AHCYL2: variants seen among roughly 807,000 people sequenced by gnomAD.
AHCYL2 encodes S-adenosylhomocysteine hydrolase-like protein 2.
Under a neutral mutation model 81.4 loss-of-function variants are expected in AHCYL2, and 28 were observed. The observed-to-expected ratio is 0.34, with a 90% CI of 0.25 to 0.47. AHCYL2 has a LOEUF of 0.47. Ranked by LOEUF, AHCYL2 falls within the 20% of genes least tolerant of loss-of-function variation. The pLI is 1.00. For synonymous variants in AHCYL2, 272 were observed against 290.2 expected (o/e 0.94, Z 0.64); for missense variants, 551 against 785.1 (o/e 0.70, Z 3.56).
chr7:129,359,136 A>C (rs531783626), intron 1 of AHCYL2, among the ~76,000 whole-genome samples: 15 of 152,242 alleles, frequency 9.9e-5, no homozygotes, highest in Non-Finnish European at 1.5e-4. Context: ...GGATTCAGTA[A>C]ATTGTGGCTG....
chr7:129,422,824 G>A lies in AHCYL2; in HGVS notation c.1462-16G>A. ...GCTTGCTATGGCTAATGCTGTACTT[G>A]CTGTATGTGTTCCAGGCGAGTCTGC... On this transcript the variant is annotated splice_polypyrimidine_tract_variant and intron_variant, in intron 12 of 16. Transcript: ENST00000325006. 6.2e-7 allele frequency: 1 copy of A among 1,611,946 alleles called. No individual in the cohort carries two copies. The highest frequency in any genetic ancestry group is 1.3e-5 in the African/African-American group (1 of 74,982).
chr7:129,416,089 CCTAGT>C (rs1796835129), intron 12 of AHCYL2, among the ~76,000 whole-genome samples: 2 of 151,682 alleles, frequency 1.3e-5, no homozygotes, highest in African/African-American at 4.8e-5. Context: ...TTTTTTTACT[CCTAGT>C]CTAGTTTTCT....
chr7:129,272,738 GT>G (rs930821845), intron 1 of AHCYL2, among the ~76,000 whole-genome samples: 1 of 151,998 alleles, frequency 6.6e-6, no homozygotes, highest in Non-Finnish European at 1.5e-5. Context: ...ATGTTACCTA[GT>G]TTTTTCTAAG....
At chr7:129,362,262 A>G (rs1457470969) in intron 1 of AHCYL2, among the ~76,000 whole-genome samples, 1 of 152,184 alleles carries the variant, frequency 6.6e-6, no homozygotes, top group Non-Finnish European at 1.5e-5. Context: ...AGTCTATTCA[A>G]CTTTAAAAGC....
At chr7:129,341,262 A>T (rs546525145) in intron 1 of AHCYL2, among the ~76,000 whole-genome samples, 1 of 152,234 alleles carries the variant, frequency 6.6e-6, no homozygotes, top group African/African-American at 2.4e-5. Flanking sequence ...TTCTAGGGGT[A>T]GCAAGTGTGG....
intron 1 of AHCYL2, among the ~76,000 whole-genome samples, chr7:129,321,238 T>C (rs1384397741): frequency 6.6e-6 from 1 of 152,252 alleles, no homozygotes; most frequent in East Asian, 1.9e-4. Flanking sequence ...AAGATTCTTG[T>C]TCTCAATGTT....
chr7:129,344,811 A>G (rs1793303658), intron 1 of AHCYL2, among the ~76,000 whole-genome samples: 1 of 152,128 alleles, frequency 6.6e-6, no homozygotes, highest in African/African-American at 2.4e-5. Flanking sequence ...GGGGAGGAAA[A>G]AAAAGAGTTC....
intron 1 of AHCYL2, among the ~76,000 whole-genome samples, chr7:129,231,973 A>G (rs1794459858): frequency 6.6e-6 from 1 of 150,976 alleles, no homozygotes; most frequent in African/African-American, 2.4e-5. Flanking sequence ...GTAGAAATCT[A>G]TTGGTTTGGG....
At chr7:129,401,555 G>A (rs1010405156) in intron 6 of AHCYL2, among the ~76,000 whole-genome samples, 1 of 152,166 alleles carries the variant, frequency 6.6e-6, no homozygotes, top group Non-Finnish European at 1.5e-5. Context: ...CTGTGATCCA[G>A]GTCACACTGC....
At chr7:129,400,435 G>C (rs762229398) in intron 6 of AHCYL2, 51 bp downstream of exon 6, 8 of 1,554,468 alleles carry the variant, frequency 5.1e-6, no homozygotes, top group African/African-American at 1.4e-5. Context: ...GAATGGGGAT[G>C]GGTGGAGGTT....
In AHCYL2 at chr7:129,427,061, A is replaced by C. The variant is rs528333134; in HGVS notation, c.*16A>C. On this transcript the variant is annotated 3_prime_UTR_variant, in exon 17 of 17. Coordinates refer to ENST00000325006, the MANE Select transcript of AHCYL2 (RefSeq NM_015328.4). The surrounding 1 kb of genome is among the most constrained non-coding windows in gnomAD (Gnocchi z 5.5). ...CAGGTATTAAGTTCCTGTAACTCAA[A>C]CCAGAATTTTTAAGGAATAGAACTC... 3.1e-6 allele frequency: 5 copies of C among 1,603,600 alleles called. No individual in the cohort carries two copies. The Middle Eastern group carries it at 8.3e-4, about 266-fold the overall frequency.
At chr7:129,325,265 T>A (rs561487399) in intron 1 of AHCYL2, among the ~76,000 whole-genome samples, 16 of 152,194 alleles carry the variant, frequency 1.1e-4, no homozygotes, top group Non-Finnish European at 2.1e-4. Context: ...TATTTTGCCT[T>A]TGTTTTTGAA....
chr7:129,225,224 CCTGAGGCTCCAG>C lies in AHCYL2; in HGVS notation c.151_162del (p.Glu51_Ala54del), dbSNP rs1353109284. The C allele has an allele frequency of 2.0e-6, 3 of 1,504,506 alleles. No homozygotes were observed. Among genetic ancestry groups the C allele is most frequent in the Non-Finnish European group, 1.8e-6 (2 of 1,134,058 alleles). The allele number at this position is 1,504,506 out of a possible 1,614,324, so 93.2% of individuals were successfully genotyped here. On this transcript the variant is annotated inframe_deletion, in exon 1 of 17. Transcript: ENST00000325006. ...GGCCCCCCCGGCGGGCGGTGGAGAC[CCTGAGGCTCCAG>C]CTCCCGCCGCGGAGCGGCCCCCGGT...
At chr7:129,276,144 A>T (rs1363398794) in intron 1 of AHCYL2, among the ~76,000 whole-genome samples, 1 of 151,888 alleles carries the variant, frequency 6.6e-6, no homozygotes, top group Non-Finnish European at 1.5e-5. Context: ...TCAAAGAAAA[A>T]ATAATAATGG....
intron 1 of AHCYL2, among the ~76,000 whole-genome samples, chr7:129,353,385 T>C (rs1466999395): frequency 2.6e-5 from 4 of 152,276 alleles, no homozygotes; most frequent in African/African-American, 7.2e-5. Flanking sequence ...TACTATTTTC[T>C]TTCTTTCATA....
At chr7:129,302,213 T>G (rs554863090) in intron 1 of AHCYL2, among the ~76,000 whole-genome samples, 1 of 152,306 alleles carries the variant, frequency 6.6e-6, no homozygotes, top group African/African-American at 2.4e-5. Context: ...CTAGTGACTT[T>G]TGTGTGTTGA....
intron 4 of AHCYL2, among the ~76,000 whole-genome samples, chr7:129,390,498 CT>C (rs1269118244): frequency 6.6e-6 from 1 of 152,174 alleles, no homozygotes; most frequent in Non-Finnish European, 1.5e-5. Context: ...CAACAACAGA[CT>C]GTAATAAAAG....
chr7:129,383,172 AT>A (rs1268407765), intron 2 of AHCYL2, among the ~76,000 whole-genome samples: 5 of 148,754 alleles, frequency 3.4e-5, no homozygotes, highest in Non-Finnish European at 4.5e-5. Flanking sequence ...ATTTTATTCT[AT>A]TTTTTTTTAA....
At chr7:129,359,646 T>C (rs908311215) in intron 1 of AHCYL2, among the ~76,000 whole-genome samples, 26 of 152,244 alleles carry the variant, frequency 1.7e-4, no homozygotes, top group African/African-American at 6.3e-4. Context: ...CTTCCCACTC[T>C]TATTCTTGTT....
Sources: allele counts gnomAD v4.1 joint callset (sites outside exome capture counted in the v4.1 genomes callset), GRCh38; gene constraint gnomAD v4.1.1; non-coding constraint Gnocchi (gnomAD v3.1); transcripts MANE v1.5; gene names NCBI Gene and HGNC (gene_info 2026-07-23, HGNC 2026-07-21).